HCN1: variants seen among roughly 807,000 people sequenced by gnomAD.
The protein encoded by HCN1 is potassium/sodium hyperpolarization-activated cyclic nucleotide-gated channel 1.
A neutral mutation model predicts 78.9 loss-of-function variants in HCN1; 13 were observed. That is an observed-to-expected ratio of 0.16 (90% CI 0.11 to 0.26). HCN1 has a LOEUF of 0.26. HCN1 is among the 10% of genes least tolerant of loss of function. The pLI, the probability that HCN1 is intolerant of heterozygous loss-of-function variation, is 1.00. For missense variants in HCN1, 810 were observed against 1,154.3 expected, an observed-to-expected ratio of 0.70 and a Z score of 4.32; for synonymous variants, 552 against 455.5, an observed-to-expected ratio of 1.21 and a Z score of -2.70.
chr5:45,472,607 G>C (rs1265713381), intron 2 of HCN1, among the ~76,000 whole-genome samples: 1 of 98,940 alleles, frequency 1.0e-5, no homozygotes, highest in East Asian at 3.6e-4. Context: ...AGGAAAGAAA[G>C]AAAAGAAGGA....
chr5:45,272,172 T>C (rs1381270571), intron 6 of HCN1, among the ~76,000 whole-genome samples: 1 of 152,104 alleles, frequency 6.6e-6, no homozygotes, highest in Non-Finnish European at 1.5e-5. Flanking sequence ...TTAAGCTATT[T>C]TGAAAATCTA....
chr5:45,289,456 A>G (rs538687528), intron 6 of HCN1, among the ~76,000 whole-genome samples: 1 of 152,198 alleles, frequency 6.6e-6, no homozygotes, highest in African/African-American at 2.4e-5. Context: ...CACAGATACA[A>G]TGGAGCATTA....
At chr5:45,668,892 T>A (rs1746100049) in intron 1 of HCN1, among the ~76,000 whole-genome samples, 1 of 151,894 alleles carries the variant, frequency 6.6e-6, no homozygotes, top group South Asian at 2.1e-4. Context: ...GCTCTATTCA[T>A]GTTTATTATT....
chr5:45,376,103 T>A (rs1396752087), intron 4 of HCN1, among the ~76,000 whole-genome samples: 1 of 110,806 alleles, frequency 9.0e-6, no homozygotes, highest in Non-Finnish European at 1.6e-5. Flanking sequence ...TATAATATAA[T>A]GTTTTATAAT....
rs180787581 is a variant in HCN1, at chr5:45,267,717, G to A, written c.1619-464C>T. Among the ~76,000 whole-genome samples, 9 of 152,194 alleles carry A rather than the reference G, an allele frequency of 5.9e-5. No homozygotes were observed. The South Asian group carries it at 1.2e-3, about 21-fold the overall frequency. ...TGGGAGGCAGAGGTTGCAGTGAGCC[G>A]AGATTGTGCCACTGCACTCCAGCCT... is the stretch of plus-strand genomic sequence containing the variant. On this transcript the variant is annotated intron_variant, in intron 6 of 7. Coordinates refer to ENST00000303230, the MANE Select transcript of HCN1 (RefSeq NM_021072.4).
At chr5:45,373,391 A>AT (rs1409615748) in intron 4 of HCN1, among the ~76,000 whole-genome samples, 1 of 105,146 alleles carries the variant, frequency 9.5e-6, no homozygotes, top group African/African-American at 5.0e-5. Context: ...AATATATGTA[A>AT]ATATATATTA....
chr5:45,646,923 T>C (rs890972388), intron 1 of HCN1, among the ~76,000 whole-genome samples: 1 of 152,168 alleles, frequency 6.6e-6, no homozygotes, highest in Admixed American at 6.5e-5. Flanking sequence ...AAAATGTCTG[T>C]TTACCAAGAT....
intron 5 of HCN1, among the ~76,000 whole-genome samples, chr5:45,349,824 G>A (rs532941851): frequency 6.6e-6 from 1 of 151,972 alleles, no homozygotes; most frequent in African/African-American, 2.4e-5. Context: ...ACTAAACCAG[G>A]AAGAAGTTGA....
At chr5:45,501,188 A>G (rs1036189182) in intron 2 of HCN1, among the ~76,000 whole-genome samples, 1 of 152,188 alleles carries the variant, frequency 6.6e-6, no homozygotes, top group Admixed American at 6.5e-5. Context: ...CAGGGAGAAA[A>G]TGTGCTAAAC....
intron 4 of HCN1, among the ~76,000 whole-genome samples, chr5:45,383,624 G>GCAGAGGTTGCGGTGAGCTGAGGAGA (rs1332536453): frequency 5.9e-5 from 9 of 152,008 alleles, no homozygotes; most frequent in African/African-American, 1.9e-4. Flanking sequence ...AACTCAGGAG[G>GCAGAGGTTGCGGTGAGCTGAGGAGA]CAGAGGTTGC....
intron 3 of HCN1, among the ~76,000 whole-genome samples, chr5:45,400,964 G>A (rs1026674215): frequency 6.6e-6 from 1 of 151,928 alleles, no homozygotes; most frequent in African/African-American, 2.4e-5. Flanking sequence ...CAAATAATCT[G>A]TTGTTCACAT....
chr5:45,601,412 T>C (rs974492052), intron 2 of HCN1, among the ~76,000 whole-genome samples: 1 of 152,198 alleles, frequency 6.6e-6, no homozygotes, highest in Non-Finnish European at 1.5e-5. Context: ...AGTTTTACTG[T>C]GGATTCTGCC....
At chr5:45,541,340 A>T (rs917035977) in intron 2 of HCN1, among the ~76,000 whole-genome samples, 1 of 152,166 alleles carries the variant, frequency 6.6e-6, no homozygotes, top group African/African-American at 2.4e-5. Flanking sequence ...CCTGAACATG[A>T]CTTGCCATGC....
intron 6 of HCN1, among the ~76,000 whole-genome samples, chr5:45,284,713 T>C (rs1228183813): frequency 6.6e-6 from 1 of 152,116 alleles, no homozygotes; most frequent in Non-Finnish European, 1.5e-5. Context: ...TATTTAATTG[T>C]TGTGTAAATG....
intron 6 of HCN1, among the ~76,000 whole-genome samples, chr5:45,275,341 T>C (rs138113853): frequency 1.8e-4 from 27 of 152,200 alleles, no homozygotes; most frequent in Middle Eastern, 3.4e-3. Flanking sequence ...GGTGCTCACA[T>C]TTGAATACAA....
intron 2 of HCN1, among the ~76,000 whole-genome samples, chr5:45,607,579 T>TTATATATATATA (rs146363579): frequency 7.8e-6 from 1 of 127,888 alleles, no homozygotes; most frequent in Admixed American, 8.0e-5. Context: ...CACAATATCA[T>TTATATATATATA]TATATATATA....
intron 2 of HCN1, among the ~76,000 whole-genome samples, chr5:45,563,279 G>A (rs957869465): frequency 1.3e-5 from 2 of 151,846 alleles, no homozygotes; most frequent in Non-Finnish European, 2.9e-5. Flanking sequence ...GTGAAAACCC[G>A]TCTCCACTAA....
At chr5:45,470,097 A>C (rs1741361023) in intron 2 of HCN1, among the ~76,000 whole-genome samples, 1 of 152,032 alleles carries the variant, frequency 6.6e-6, no homozygotes, top group Non-Finnish European at 1.5e-5. Context: ...AAGCTTATTC[A>C]TAATTTTTTA....
intron 5 of HCN1, among the ~76,000 whole-genome samples, chr5:45,332,306 CT>C (rs976508996): frequency 6.6e-6 from 1 of 151,400 alleles, no homozygotes; most frequent in Non-Finnish European, 1.5e-5. Flanking sequence ...GGTATCCATC[CT>C]CAAGGATTTA....
Sources: gnomAD v4.1 joint callset for allele counts (sites outside exome capture counted in the v4.1 genomes callset) on GRCh38, gnomAD v4.1.1 for gene constraint, MANE v1.5 for transcripts, NCBI Gene and HGNC (gene_info 2026-07-23, HGNC 2026-07-21) for gene names.